The following NAV2 variants were observed in gnomAD, a reference collection of about 807,000 sequenced individuals.
NAV2 encodes the protein helicase, APC down-regulated 1.
In NAV2, 54 loss-of-function variants were observed where a neutral mutation model predicts 223.2. The observed-to-expected ratio is 0.24, with a 90% CI of 0.19 to 0.30. The LOEUF (loss-of-function observed/expected upper bound fraction) is 0.30, where lower values mean the gene tolerates loss of function less well. NAV2 is among the 10% of genes least tolerant of loss of function. NAV2 has a pLI of 1.00. For synonymous variants in NAV2, 1,279 were observed against 1,239.3 expected (o/e 1.03, Z -0.67); for missense variants, 2,806 against 3,147.5 (o/e 0.89, Z 2.60).
At chr11:19,952,774 A>G (rs2047505224) in intron 10 of NAV2, among the ~76,000 whole-genome samples, 1 of 152,124 alleles carries the variant, frequency 6.6e-6, no homozygotes, top group African/African-American at 2.4e-5. Flanking sequence ...GTATCCTTCA[A>G]TTCTCCCTAT....
intron 6 of NAV2, among the ~76,000 whole-genome samples, chr11:19,897,546 T>C (rs1462228427): frequency 6.6e-6 from 1 of 151,990 alleles, no homozygotes; most frequent in Non-Finnish European, 1.5e-5. Flanking sequence ...CACTGAGACA[T>C]GAAGCTAAAG....
chr11:20,049,842 C>G lies in NAV2; in HGVS notation c.4377C>G (p.Leu1459=). The G allele has an allele frequency of 1.2e-6, 2 of 1,614,136 alleles. No homozygotes were observed. Among genetic ancestry groups the G allele is most frequent in the African/African-American group, 1.3e-5 (1 of 75,042 alleles). The change falls in exon 16 of 38, where the codon CTC becomes CTG. Residue 1459 remains leucine, a synonymous_variant. Coordinates refer to ENST00000349880, the MANE Select transcript of NAV2 (RefSeq NM_145117.5). ...SVKTTLSESP[L]SSPAASPKFC... is the part of the protein sequence containing the mutation. ...TACCTGCCTGGACTTCTAGCCCTCT[C>G]TCTTCCCCTGCTGCTAGCCCTAAGT...
intron 1 of NAV2, among the ~76,000 whole-genome samples, chr11:19,648,647 G>A (rs150033733): frequency 6.6e-6 from 1 of 152,266 alleles, no homozygotes; most frequent in African/African-American, 2.4e-5. Flanking sequence ...CCTGGAGAGT[G>A]GTTGGTGATG....
At chr11:19,567,287 C>A (rs1026330880) in intron 1 of NAV2, among the ~76,000 whole-genome samples, 1 of 152,160 alleles carries the variant, frequency 6.6e-6, no homozygotes, top group African/African-American at 2.4e-5. Context: ...GGATTGGAGG[C>A]CAGGGCTGTG....
intron 1 of NAV2, among the ~76,000 whole-genome samples, chr11:19,398,475 C>A (rs1849554448): frequency 6.6e-6 from 1 of 152,162 alleles, no homozygotes; most frequent in Non-Finnish European, 1.5e-5. Flanking sequence ...TGGCCTGTCT[C>A]TGTCCCTTTA....
At chr11:19,696,337 G>C (rs1359073497) in intron 1 of NAV2, among the ~76,000 whole-genome samples, 1 of 152,224 alleles carries the variant, frequency 6.6e-6, no homozygotes, top group Non-Finnish European at 1.5e-5. Context: ...CCTGGCATGG[G>C]CCTTGAAACT....
chr11:19,623,508 A>T (rs2135432693), intron 1 of NAV2, among the ~76,000 whole-genome samples: 1 of 152,100 alleles, frequency 6.6e-6, no homozygotes. Context: ...ACTTCATTTC[A>T]TTCATTTGAT....
chr11:19,376,586 GTTCA>G (rs1223767833), intron 1 of NAV2, among the ~76,000 whole-genome samples: 1 of 152,112 alleles, frequency 6.6e-6, no homozygotes, highest in Non-Finnish European at 1.5e-5. Flanking sequence ...AAACAGCCTT[GTTCA>G]TTCATTCAAT....
chr11:19,386,875 G>T (rs1157968184), intron 1 of NAV2, among the ~76,000 whole-genome samples: 2 of 152,046 alleles, frequency 1.3e-5, no homozygotes, highest in Admixed American at 1.3e-4. Context: ...GTAAAAATAG[G>T]GGGAGGTGAC....
intron 3 of NAV2, among the ~76,000 whole-genome samples, chr11:19,851,496 C>T (rs2061126943): frequency 6.6e-6 from 1 of 152,078 alleles, no homozygotes; most frequent in Admixed American, 6.5e-5. Context: ...TGTGCTGGGC[C>T]AGTTAATTGA....
At chr11:19,613,740 C>A (rs540791676) in intron 1 of NAV2, among the ~76,000 whole-genome samples, 1 of 152,296 alleles carries the variant, frequency 6.6e-6, no homozygotes, top group South Asian at 2.1e-4. Context: ...AGCTATATGA[C>A]CTTCGGCAAG....
chr11:19,636,051 G>A (rs779131777), intron 1 of NAV2, among the ~76,000 whole-genome samples: 11 of 152,320 alleles, frequency 7.2e-5, no homozygotes, highest in South Asian at 2.1e-4. Context: ...AAATGACAAC[G>A]AACTTATCTG....
chr11:20,061,855 C>G (rs2058729915), intron 19 of NAV2, among the ~76,000 whole-genome samples: 1 of 151,996 alleles, frequency 6.6e-6, no homozygotes, highest in Non-Finnish European at 1.5e-5. Flanking sequence ...CTGACAGATG[C>G]CAACAGGGTA....
At chr11:20,108,103 T>C (rs534339350) in intron 36 of NAV2, among the ~76,000 whole-genome samples, 2 of 152,346 alleles carry the variant, frequency 1.3e-5, no homozygotes, top group Admixed American at 6.5e-5. Context: ...AGTAGAACCA[T>C]ACACATGTGT....
intron 20 of NAV2, among the ~76,000 whole-genome samples, chr11:20,066,284 AGGT>A (rs2059038441): frequency 6.6e-6 from 1 of 152,192 alleles, no homozygotes; most frequent in Admixed American, 6.5e-5. Flanking sequence ...AGTATTTGAT[AGGT>A]GGTGGTAGTG....
At chr11:19,903,380 A>G (rs974582415) in intron 6 of NAV2, among the ~76,000 whole-genome samples, 1 of 152,150 alleles carries the variant, frequency 6.6e-6, no homozygotes, top group African/African-American at 2.4e-5. Flanking sequence ...AGCTCCTGCC[A>G]TGATTCCTTA....
intron 1 of NAV2, among the ~76,000 whole-genome samples, chr11:19,374,209 A>C (rs534075738): frequency 6.6e-6 from 1 of 152,166 alleles, no homozygotes; most frequent in African/African-American, 2.4e-5. Context: ...ACTATGTATC[A>C]ATGAACTTGG....
Position 20,055,929 on chromosome 11 carries a change from A to G in NAV2, c.4803A>G (p.Ser1601=), listed in dbSNP as rs755428146. The G allele has an allele frequency of 1.5e-5, 25 of 1,613,968 alleles. No homozygotes were observed. The South Asian group carries it at 1.9e-4, about 12-fold the overall frequency. Residue 1601 remains serine (S), a synonymous_variant, in exon 19 of 38, where the codon TCA becomes TCG. Transcript: ENST00000349880. The part of the protein sequence containing the change: ...LDEKSRTMSR[S]GSFRDGFEEV... ...AGAAGAGCAGAACCATGAGCCGTTCAGGCTCATTCCGGGATGGGTTTGAAG... is the reference window on the plus strand; with the variant it reads ...AGAAGAGCAGAACCATGAGCCGTTCGGGCTCATTCCGGGATGGGTTTGAAG...
intron 1 of NAV2, among the ~76,000 whole-genome samples, chr11:19,354,833 A>G (rs917611100): frequency 1.1e-4 from 17 of 152,214 alleles, no homozygotes; most frequent in Admixed American, 9.8e-4. Context: ...ATCAGGAGGC[A>G]GCTCTCAGAT....
Sources: gnomAD v4.1 joint callset for allele counts (sites outside exome capture counted in the v4.1 genomes callset) on GRCh38, gnomAD v4.1.1 for gene constraint, MANE v1.5 for transcripts, NCBI Gene and HGNC (gene_info 2026-07-23, HGNC 2026-07-21) for gene names.